Variants in GLIS3 observed in about 807,000 individuals in gnomAD.
The protein encoded by GLIS3 is GLIS family zinc finger 3, also known as zinc finger protein GLIS3.
A neutral mutation model predicts 78.6 loss-of-function variants in GLIS3; 53 were observed. That is an observed-to-expected ratio of 0.67 (90% CI 0.54 to 0.85). The LOEUF (loss-of-function observed/expected upper bound fraction) is 0.85. Among genes scored for constraint, GLIS3 ranks in the 40% least tolerant of loss-of-function variants. GLIS3 has a pLI of 0.00. For synonymous variants in GLIS3, 684 were observed against 509.9 expected, an observed-to-expected ratio of 1.34 and a Z score of -4.60; for missense variants, 1,703 against 1,231.1, an observed-to-expected ratio of 1.38 and a Z score of -5.74.
chr9:4,279,704 TG>T (rs1057049496), intron 2 of GLIS3, among the ~76,000 whole-genome samples: 32 of 508 alleles, frequency 0.063, no homozygotes, highest in Middle Eastern at 0.5. Flanking sequence ...TCAGTCGGTT[TG>T]CTTAGCTGTG....
the GLIS3 span, among the ~76,000 whole-genome samples, chr9:4,365,943 T>TCAGTTTAAC: frequency 1.3e-5 from 2 of 152,216 alleles, no homozygotes; most frequent in Admixed American, 6.5e-5. Flanking sequence ...TCTATTCAAA[T>TCAGTTTAAC]CAGTTTAACC....
intron 4 of GLIS3, among the ~76,000 whole-genome samples, chr9:4,102,899 C>T (rs1830480012): frequency 6.6e-6 from 1 of 151,354 alleles, no homozygotes; most frequent in Admixed American, 6.6e-5. Flanking sequence ...AAGAGCTTTA[C>T]ATAGAAGGAA....
At chr9:4,436,347 G>C in the GLIS3 span, among the ~76,000 whole-genome samples, 16 of 152,142 alleles carry the variant, frequency 1.1e-4, no homozygotes, top group Non-Finnish European at 1.5e-4. Context: ...AACAATATTA[G>C]CTTGTGTTAA....
At chr9:4,032,485 T>C (rs984208640) in intron 4 of GLIS3, among the ~76,000 whole-genome samples, 3 of 152,088 alleles carry the variant, frequency 2.0e-5, no homozygotes. Flanking sequence ...AAATCTTATT[T>C]TTAAAAGAAG....
At chr9:3,858,470 C>T (rs981469266) in intron 8 of GLIS3, among the ~76,000 whole-genome samples, 1 of 152,090 alleles carries the variant, frequency 6.6e-6, no homozygotes, top group Non-Finnish European at 1.5e-5. Flanking sequence ...TTTAGCACTG[C>T]TATCTCAAGG....
chr9:4,375,126 C>T, the GLIS3 span, among the ~76,000 whole-genome samples: 20 of 152,184 alleles, frequency 1.3e-4, no homozygotes, highest in Non-Finnish European at 2.8e-4. Context: ...TGTTCTTAGT[C>T]ATTTCCCACT....
chr9:4,433,234 C>A, the GLIS3 span, among the ~76,000 whole-genome samples: 1 of 152,212 alleles, frequency 6.6e-6, no homozygotes, highest in Middle Eastern at 3.4e-3. Flanking sequence ...GAGTTTGAGA[C>A]CAGCCTGGCC....
At chr9:4,231,367 T>C (rs1822237059) in intron 2 of GLIS3, among the ~76,000 whole-genome samples, 4 of 152,268 alleles carry the variant, frequency 2.6e-5, no homozygotes, top group African/African-American at 7.2e-5. Flanking sequence ...GAAGAGTCTG[T>C]TCTCTAAAAT....
chr9:3,843,006 T>A (rs558357732), intron 9 of GLIS3, among the ~76,000 whole-genome samples: 2 of 152,296 alleles, frequency 1.3e-5, no homozygotes, highest in East Asian at 3.9e-4. Flanking sequence ...TAGATATGGA[T>A]CCAGATGACT....
chr9:3,884,957 CCACAAACAACA>C (rs1821976925), intron 7 of GLIS3, among the ~76,000 whole-genome samples: 1 of 152,184 alleles, frequency 6.6e-6, no homozygotes, highest in African/African-American at 2.4e-5. Flanking sequence ...TAATCCCCCA[CCACAAACAACA>C]CACAAGCAGC....
chr9:3,848,720 T>C (rs989103335), intron 9 of GLIS3, among the ~76,000 whole-genome samples: 3 of 152,232 alleles, frequency 2.0e-5, no homozygotes, highest in Non-Finnish European at 2.9e-5. Flanking sequence ...CTGATATTTC[T>C]ACAGTTTGAA....
chr9:4,155,049 G>T (rs1834950488), intron 2 of GLIS3, among the ~76,000 whole-genome samples: 1 of 152,130 alleles, frequency 6.6e-6, no homozygotes, highest in Non-Finnish European at 1.5e-5. Flanking sequence ...CAAGACACAT[G>T]CATGTATTTG....
intron 2 of GLIS3, among the ~76,000 whole-genome samples, chr9:4,128,798 T>C (rs1832756330): frequency 6.6e-6 from 1 of 152,228 alleles, no homozygotes; most frequent in Non-Finnish European, 1.5e-5. Flanking sequence ...TTTCTTGCTT[T>C]GTAATAAAGA....
chr9:4,124,006 C>G (rs935087551), intron 3 of GLIS3, among the ~76,000 whole-genome samples: 1 of 152,196 alleles, frequency 6.6e-6, no homozygotes, highest in Admixed American at 6.5e-5. Flanking sequence ...CTCTCTCCAT[C>G]TTCTCTTTAT....
intron 7 of GLIS3, among the ~76,000 whole-genome samples, chr9:3,893,405 C>T (rs1696160108): frequency 6.6e-6 from 1 of 152,158 alleles, no homozygotes; most frequent in Admixed American, 6.5e-5. Flanking sequence ...TGCAAACATG[C>T]AGATGAGCCC....
At chr9:3,913,961 T>C (rs953242713) in intron 6 of GLIS3, among the ~76,000 whole-genome samples, 1 of 152,200 alleles carries the variant, frequency 6.6e-6, no homozygotes, top group Non-Finnish European at 1.5e-5. Flanking sequence ...TATTTATTAA[T>C]CCATGCTTAA....
At chr9:4,320,926 C>G (rs917489413) in intron 2 of GLIS3, among the ~76,000 whole-genome samples, 1 of 152,070 alleles carries the variant, frequency 6.6e-6, no homozygotes, top group Non-Finnish European at 1.5e-5. Flanking sequence ...GAAAGTCTGT[C>G]TCCTGCTTGA....
intron 8 of GLIS3, among the ~76,000 whole-genome samples, chr9:3,862,582 TTTC>T (rs1820285539): frequency 6.6e-6 from 1 of 152,232 alleles, no homozygotes; most frequent in Admixed American, 6.5e-5. Context: ...GTCATAAATA[TTTC>T]TTACTTTTCT....
chr9:4,219,632 A>G (rs1169998799), intron 2 of GLIS3, among the ~76,000 whole-genome samples: 2 of 152,220 alleles, frequency 1.3e-5, no homozygotes, highest in African/African-American at 2.4e-5. Context: ...AAATACCTCC[A>G]GTTCCTAACT....
Sources: allele counts gnomAD v4.1 joint callset (sites outside exome capture counted in the v4.1 genomes callset), GRCh38; gene constraint gnomAD v4.1.1; transcripts MANE v1.5; gene names NCBI Gene and HGNC (gene_info 2026-07-23, HGNC 2026-07-21).